The following PACSIN2 variants were observed in gnomAD, a reference collection of about 807,000 sequenced individuals.
PACSIN2 encodes protein kinase C and casein kinase substrate in neurons protein 2.
A neutral mutation model predicts 63.8 loss-of-function variants in PACSIN2; 25 were observed. That is an observed-to-expected ratio of 0.39 (90% CI 0.29 to 0.55). PACSIN2 has a LOEUF of 0.55. PACSIN2 is among the 20% of genes least tolerant of loss of function. The probability of loss-of-function intolerance (pLI) is 0.62; values close to 1 mark genes in which losing one functional copy is unlikely to be tolerated. For missense variants in PACSIN2, 518 were observed against 646.9 expected (o/e 0.80, Z 2.16); for synonymous variants, 255 against 256.2 (o/e 1.00, Z 0.05).
chr22:42,875,445 T>C (rs572460073), intron 10 of PACSIN2, among the ~76,000 whole-genome samples: 18 of 152,072 alleles, frequency 1.2e-4, no homozygotes, highest in African/African-American at 3.1e-4. Flanking sequence ...TCATGATTCA[T>C]TGCAACCTCA....
At chr22:42,886,345 C>T (rs1253969542) in intron 5 of PACSIN2, among the ~76,000 whole-genome samples, 1 of 152,178 alleles carries the variant, frequency 6.6e-6, no homozygotes, top group African/African-American at 2.4e-5. Context: ...ATGATGGATG[C>T]TACAAGATGT....
At chr22:42,884,641 C>T (rs1280901249) in intron 5 of PACSIN2, 80 bp from the exon 6 acceptor site, 19 of 1,152,286 alleles carry the variant, frequency 1.6e-5, no homozygotes, top group Middle Eastern at 2.1e-4. Context: ...GTGTCTCAGG[C>T]CTTCCCAGAT....
At chr22:42,956,023 T>A (rs1387916379) in intron 1 of PACSIN2, among the ~76,000 whole-genome samples, 9 of 152,250 alleles carry the variant, frequency 5.9e-5, no homozygotes, top group Non-Finnish European at 1.2e-4. Flanking sequence ...CATTTTGTCC[T>A]GTTAATTACA....
chr22:42,973,581 GCT>G (rs1204890671), intron 1 of PACSIN2, among the ~76,000 whole-genome samples: 10 of 152,374 alleles, frequency 6.6e-5, no homozygotes, highest in South Asian at 6.2e-4. Context: ...TAGCTGCAAA[GCT>G]CGCAAGCAAG....
At chr22:42,944,824 G>A (rs753649909) in intron 1 of PACSIN2, among the ~76,000 whole-genome samples, 1 of 152,180 alleles carries the variant, frequency 6.6e-6, no homozygotes. Flanking sequence ...GTAGCTGGGC[G>A]CGGTGGCTCA....
chr22:42,909,502 G>A (rs765797649), intron 2 of PACSIN2: 2 of 471,010 alleles, frequency 4.2e-6, no homozygotes, highest in Admixed American at 4.7e-5. Flanking sequence ...CAGTCACTCC[G>A]CCACTCAACG....
chr22:42,936,040 C>T (rs981791067), intron 1 of PACSIN2, among the ~76,000 whole-genome samples: 4 of 151,958 alleles, frequency 2.6e-5, no homozygotes, highest in Admixed American at 2.0e-4. Flanking sequence ...GGTGAAACCC[C>T]GTCTCTACTA....
At chr22:42,905,514 GC>G (rs1931012836) in intron 2 of PACSIN2, among the ~76,000 whole-genome samples, 1 of 152,264 alleles carries the variant, frequency 6.6e-6, no homozygotes. Flanking sequence ...GGCCTGGGCA[GC>G]CCATCACAGA....
At chr22:42,979,392 C>T (rs1275346846) in intron 1 of PACSIN2, among the ~76,000 whole-genome samples, 1 of 151,744 alleles carries the variant, frequency 6.6e-6, no homozygotes, top group Non-Finnish European at 1.5e-5. Flanking sequence ...AGCGTGGTAG[C>T]AGGCGTCTGT....
chr22:42,871,092 A>G lies in PACSIN2; in HGVS notation c.*265T>C. ...GACAAAGTCAAGAACATAGAGATCT[A>G]TGATAGGCCAACAGGCACAGTGGGC... On this transcript the variant is annotated 3_prime_UTR_variant, in exon 11 of 11. Coordinates refer to ENST00000263246, the MANE Select transcript of PACSIN2 (RefSeq NM_001184970.3). This position sits in a 1 kb window ranked among gnomAD's most constrained non-coding sequence, Gnocchi z 5.4. 1 of 516,554 alleles carries G rather than the reference A, an allele frequency of 1.9e-6. No homozygotes were observed. The highest frequency in any genetic ancestry group is 3.4e-5 in the East Asian group (1 of 29,566). 32.0% of individuals were successfully genotyped at this position (516,554 alleles called of 1,614,324 possible).
intron 10 of PACSIN2, among the ~76,000 whole-genome samples, chr22:42,875,603 T>A (rs140444232): frequency 4.6e-5 from 7 of 152,176 alleles, no homozygotes; most frequent in Non-Finnish European, 1.0e-4. Context: ...TGGTGTGACC[T>A]TGGCTCACTG....
At chr22:42,884,592 T>C in intron 5 of PACSIN2, 31 bp from the exon 6 acceptor site, 1 of 1,593,040 alleles carries the variant, frequency 6.3e-7, no homozygotes, top group African/African-American at 1.3e-5. Context: ...AAGACAGAGG[T>C]TCATTTCCAT....
At position 42,869,794 on chromosome 22, in the gene PACSIN2, T is replaced by C. The variant is rs1927944164; in HGVS notation, c.*1563A>G. ...CATATGCACGAGATCAACTGTTTAT[T>C]GATTTTTTTCCTCAAATACTACACA... is the stretch of plus-strand genomic sequence containing the variant. On this transcript the variant is annotated 3_prime_UTR_variant, in exon 11 of 11. Transcript: ENST00000263246. 3 of 152,260 alleles carry C rather than the reference T, an allele frequency of 2.0e-5. No individual in the cohort carries two copies. The highest frequency in any genetic ancestry group is 6.5e-5 in the Admixed American group (1 of 15,282). The allele number at this position is 152,260 out of a possible 1,614,324, so 9.4% of individuals were successfully genotyped here.
intron 1 of PACSIN2, among the ~76,000 whole-genome samples, chr22:42,915,014 C>G (rs1931720475): frequency 6.6e-6 from 1 of 152,126 alleles, no homozygotes; most frequent in Admixed American, 6.5e-5. Context: ...CAGGCACGTG[C>G]TGCCAGGCCC....
chr22:42,986,916 T>C (rs1922656703), intron 1 of PACSIN2, among the ~76,000 whole-genome samples: 1 of 152,200 alleles, frequency 6.6e-6, no homozygotes, highest in Non-Finnish European at 1.5e-5. Flanking sequence ...ACTGCCTATA[T>C]AATAAAGCCC....
intron 1 of PACSIN2, among the ~76,000 whole-genome samples, chr22:42,963,300 C>T (rs1920929620): frequency 6.6e-6 from 1 of 152,172 alleles, no homozygotes; most frequent in South Asian, 2.1e-4. Context: ...CTACTCAAAC[C>T]ATGTGGATTA....
chr22:42,910,623 GTGGCTGGCGACCTGTT>G (rs1364853814), intron 2 of PACSIN2, among the ~76,000 whole-genome samples: 1 of 152,240 alleles, frequency 6.6e-6, no homozygotes, highest in Non-Finnish European at 1.5e-5. Flanking sequence ...GCTGTGAGAT[GTGGCTGGCGACCTGTT>G]TGGCTGTCAC....
intron 1 of PACSIN2, among the ~76,000 whole-genome samples, chr22:42,919,741 C>G (rs1480153568): frequency 7.3e-6 from 1 of 136,482 alleles, no homozygotes; most frequent in Non-Finnish European, 1.5e-5. Context: ...CCACTGTACT[C>G]CAGCCTGGGT....
intron 10 of PACSIN2, among the ~76,000 whole-genome samples, chr22:42,872,865 C>T (rs776604475): frequency 6.6e-5 from 10 of 152,262 alleles, no homozygotes; most frequent in Non-Finnish European, 1.0e-4. Context: ...GCAGGGGCCA[C>T]AGGGCAGCAG....
Sources: gnomAD v4.1 joint callset for allele counts (sites outside exome capture counted in the v4.1 genomes callset) on GRCh38, gnomAD v4.1.1 for gene constraint, Gnocchi (gnomAD v3.1) non-coding constraint, MANE v1.5 for transcripts, NCBI Gene and HGNC (gene_info 2026-07-23, HGNC 2026-07-21) for gene names.